Variants in SNX14 observed in about 807,000 individuals in gnomAD.
SNX14 encodes sorting nexin-14.
A neutral mutation model predicts 133.8 loss-of-function variants in SNX14; 93 were observed. The ratio of observed to expected loss-of-function variants is 0.70; its 90% CI spans 0.59 to 0.83. The LOEUF is 0.83. Ranked by LOEUF, SNX14 falls within the 40% of genes least tolerant of loss-of-function variation. SNX14 has a pLI of 0.00. For missense variants in SNX14, 945 were observed against 1,094.9 expected (o/e 0.86, Z 1.93); for synonymous variants, 368 against 365.6 (o/e 1.01, Z -0.07).
chr6:85,566,364 C>T (rs1793832446), intron 5 of SNX14, among the ~76,000 whole-genome samples: 1 of 151,994 alleles, frequency 6.6e-6, no homozygotes, highest in South Asian at 2.1e-4. Flanking sequence ...TTGTCTTAAA[C>T]ACTCTGGGTG....
intron 28 of SNX14, among the ~76,000 whole-genome samples, chr6:85,506,450 G>A (rs2127738580): frequency 6.6e-6 from 1 of 152,136 alleles, no homozygotes; most frequent in East Asian, 1.9e-4. Context: ...CCGAGTAGGT[G>A]GGATTACAGG....
At chr6:85,578,060 G>A (rs1332776706) in intron 1 of SNX14, among the ~76,000 whole-genome samples, 2 of 152,098 alleles carry the variant, frequency 1.3e-5, no homozygotes, top group Admixed American at 1.3e-4. Context: ...AGTAAGTTAA[G>A]GTTTTTGATT....
intron 1 of SNX14, among the ~76,000 whole-genome samples, chr6:85,591,220 CTG>C (rs5877943): frequency 0.54 from 80,696 of 150,194 alleles, 22,859 homozygotes; most frequent in African/African-American, 0.74. Context: ...CTCTTATCAT[CTG>C]TGTGTGTGTG....
intron 7 of SNX14, among the ~76,000 whole-genome samples, chr6:85,552,366 G>A (rs1788133076): frequency 6.6e-6 from 1 of 152,022 alleles, no homozygotes; most frequent in Non-Finnish European, 1.5e-5. Flanking sequence ...TGTTTTTATT[G>A]AAATAGAATG....
intron 12 of SNX14, among the ~76,000 whole-genome samples, chr6:85,544,767 A>C (rs1025938483): frequency 6.6e-6 from 1 of 152,230 alleles, no homozygotes; most frequent in African/African-American, 2.4e-5. Flanking sequence ...CTTTTCAGAC[A>C]CACAAAAGCT....
intron 7 of SNX14, among the ~76,000 whole-genome samples, chr6:85,556,113 A>C (rs1452686404): frequency 1.3e-5 from 2 of 152,244 alleles, no homozygotes; most frequent in Admixed American, 6.5e-5. Context: ...TACTAGGAAA[A>C]GGTGAGAGTA....
At chr6:85,546,965 CAAAAAAAAA>C (rs375373506) in intron 12 of SNX14, 138 bp downstream of exon 12, 9 of 392,826 alleles carry the variant, frequency 2.3e-5, no homozygotes, top group African/African-American at 9.3e-5. Flanking sequence ...CCGCCTCAAA[CAAAAAAAAA>C]AAAAAAAAAA....
chr6:85,514,076 G>C lies in SNX14; in HGVS notation c.2551C>G (p.Leu851Val). The change falls in exon 25 of 29, where the codon CTC becomes GTC. Residue 851 changes from leucine (L) to valine (V), a missense_variant. Transcript: ENST00000314673. ...EHRLVSLITL[L>V]RDAIFCENTE... is the part of the protein sequence containing the mutation. ...CACATTAGAAAATACAAACCTCTGA[G>C]AAGTGTTATGAGTGAGACCAAACGG... 2 of 1,608,098 alleles carry C rather than the reference G, an allele frequency of 1.2e-6. No individual in the cohort carries two copies. The highest frequency in any genetic ancestry group is 1.7e-6 in the Non-Finnish European group (2 of 1,178,320).
intron 12 of SNX14, 164 bp from the exon 13 acceptor site, chr6:85,543,924 TAA>T (rs1784671422): frequency 3.1e-6 from 1 of 317,620 alleles, no homozygotes; most frequent in Non-Finnish European, 5.5e-6. Flanking sequence ...AACTACTCAA[TAA>T]AAGAGAAATG....
chr6:85,521,976 C>A (rs1777036361), intron 21 of SNX14, among the ~76,000 whole-genome samples: 1 of 152,148 alleles, frequency 6.6e-6, no homozygotes, highest in African/African-American at 2.4e-5. Flanking sequence ...CCAGTTTTCC[C>A]AGCACTATTT....
intron 26 of SNX14, among the ~76,000 whole-genome samples, chr6:85,509,989 A>G (rs557073750): frequency 6.6e-6 from 1 of 152,298 alleles, no homozygotes; most frequent in African/African-American, 2.4e-5. Flanking sequence ...ATTCCTTTAT[A>G]GCACTGAATA....
At chr6:85,535,458 C>T (rs564099986) in intron 17 of SNX14, among the ~76,000 whole-genome samples, 1 of 151,516 alleles carries the variant, frequency 6.6e-6, no homozygotes, top group African/African-American at 2.4e-5. Context: ...CCAAAAAAAA[C>T]CACAAAAATT....
At chr6:85,512,801 C>T (rs1773416095) in intron 26 of SNX14, among the ~76,000 whole-genome samples, 3 of 152,112 alleles carry the variant, frequency 2.0e-5, no homozygotes, top group African/African-American at 4.8e-5. Context: ...CTGCAGCTAG[C>T]TATGATTCTC....
chr6:85,515,401 G>A (rs1485078888), intron 23 of SNX14, among the ~76,000 whole-genome samples: 2 of 151,112 alleles, frequency 1.3e-5, no homozygotes, highest in Non-Finnish European at 2.9e-5. Context: ...CAATGTTGGG[G>A]TGGGGGGGAA....
chr6:85,517,846 C>G lies in SNX14; in HGVS notation c.2178G>C (p.Met726Ile), dbSNP rs776532321. ...GAGACTCACAAGAATTAATGAAATT[C>G]ATGATAAAAGGTTCCAAATGCTGAC... Reference protein sequence around the residue: ...EKGQHLEPFIMNFINSCESPK... With the variant: ...EKGQHLEPFIINFINSCESPK... The change falls in exon 23 of 29, where the codon ATG becomes ATC. Residue 726 changes from methionine to isoleucine, a missense_variant. Met to Ile is a conservative substitution (Grantham distance 10, BLOSUM62 1). Around this residue, in one of 3 missense-constraint regions of SNX14, gnomAD observed 412 missense variants for 516.6 expected, o/e 0.80. Coordinates refer to ENST00000314673, the MANE Select transcript of SNX14 (RefSeq NM_153816.6). The G allele has an allele frequency of 6.2e-7, 1 of 1,609,282 alleles. No individual in the cohort carries two copies. Among genetic ancestry groups the G allele is most frequent in the Non-Finnish European group, 8.5e-7 (1 of 1,178,716 alleles).
At chr6:85,533,088 T>C (rs1780774565) in intron 18 of SNX14, among the ~76,000 whole-genome samples, 1 of 152,166 alleles carries the variant, frequency 6.6e-6, no homozygotes, top group African/African-American at 2.4e-5. Flanking sequence ...GGTTTCGCCA[T>C]GTGGGCCAGG....
chr6:85,578,505 G>C lies in SNX14; in HGVS notation c.141-4127C>G, dbSNP rs893769082. Reference sequence around the variant, plus strand: ...TGAAGACAATGAACTTTCAGTTGTGGGATCTTTTCCAGCAGCATTCAGTTT... The same window carrying C: ...TGAAGACAATGAACTTTCAGTTGTGCGATCTTTTCCAGCAGCATTCAGTTT... On this transcript the variant is annotated intron_variant, in intron 1 of 28. Coordinates refer to ENST00000314673, the MANE Select transcript of SNX14 (RefSeq NM_153816.6). 3.3e-5 allele frequency among the ~76,000 whole-genome samples: 5 copies of C among 152,076 alleles called. No homozygotes were observed. The East Asian group carries it at 9.6e-4, about 29-fold the overall frequency.
In SNX14 at chr6:85,557,975, C is replaced by A; in HGVS notation, c.634+1G>T. 6.4e-7 allele frequency: 1 copy of A among 1,562,720 alleles called. No homozygotes were observed. The highest frequency in any genetic ancestry group is 1.1e-5 in the South Asian group (1 of 87,196). ...CAAACTGTAGTAGAAAACTGTATTA[C>A]CTTTCTGTCTGGCTTTAACTATCAC... On this transcript the variant is annotated splice_donor_variant, in intron 7 of 28. Coordinates refer to ENST00000314673, the MANE Select transcript of SNX14 (RefSeq NM_153816.6). LOFTEE classifies it high-confidence loss of function.
At chr6:85,519,449 C>A (rs752265440) in intron 21 of SNX14, among the ~76,000 whole-genome samples, 3 of 152,154 alleles carry the variant, frequency 2.0e-5, no homozygotes, top group Non-Finnish European at 4.4e-5. Context: ...GGCAACAAAG[C>A]GAGATCCCAT....
Sources: gnomAD v4.1 joint callset for allele counts (sites outside exome capture counted in the v4.1 genomes callset) on GRCh38, gnomAD v4.1.1 for gene constraint, gnomAD v4.1.1 regional missense constraint, MANE v1.5 for transcripts, NCBI Gene and HGNC (gene_info 2026-07-23, HGNC 2026-07-21) for gene names.